SIL1: variants seen among roughly 807,000 people sequenced by gnomAD.
The protein encoded by SIL1 is nucleotide exchange factor SIL1.
Under a neutral mutation model 49.1 loss-of-function variants are expected in SIL1, and 40 were observed. The observed-to-expected ratio is 0.81, with a 90% CI of 0.63 to 1.06. The LOEUF (loss-of-function observed/expected upper bound fraction) is 1.06. Among genes scored for constraint, SIL1 ranks in the 50% least tolerant of loss-of-function variants. The pLI, the probability that SIL1 is intolerant of heterozygous loss-of-function variation, is 0.00. For missense variants in SIL1, 500 were observed against 572.6 expected, an observed-to-expected ratio of 0.87 and a Z score of 1.29; for synonymous variants, 253 against 250.8, an observed-to-expected ratio of 1.01 and a Z score of -0.08.
chr5:139,026,203 C>T (rs1768646594), intron 6 of SIL1, among the ~76,000 whole-genome samples: 1 of 152,066 alleles, frequency 6.6e-6, no homozygotes, highest in Non-Finnish European at 1.5e-5. Context: ...GTTCATTATT[C>T]AATTACTTCC....
At chr5:139,032,941 A>G (rs1324617537) in intron 5 of SIL1, 1 of 151,976 alleles carries the variant, frequency 6.6e-6, no homozygotes, top group African/African-American at 2.4e-5. Flanking sequence ...GGTAATTTTT[A>G]TCTTAGTGCT....
chr5:139,018,919 T>A (rs1768459646), intron 7 of SIL1, among the ~76,000 whole-genome samples: 1 of 152,202 alleles, frequency 6.6e-6, no homozygotes, highest in African/African-American at 2.4e-5. Context: ...AGGTTGTCCA[T>A]GGGCACACAG....
At chr5:139,116,949 G>A (rs1727416576) in intron 3 of SIL1, among the ~76,000 whole-genome samples, 1 of 152,204 alleles carries the variant, frequency 6.6e-6, no homozygotes, top group Non-Finnish European at 1.5e-5. Context: ...CTAAGGTTCT[G>A]AGATTCTAAG....
intron 1 of SIL1, among the ~76,000 whole-genome samples, chr5:139,134,376 TC>T (rs1482896390): frequency 6.6e-6 from 1 of 152,156 alleles, no homozygotes; most frequent in East Asian, 1.9e-4. Context: ...GCTCAACTGA[TC>T]CACCCATGTC....
chr5:139,084,691 A>G (rs1490270391), intron 3 of SIL1, among the ~76,000 whole-genome samples: 1 of 140,814 alleles, frequency 7.1e-6, no homozygotes, highest in East Asian at 2.1e-4. Context: ...GCTAGATGAC[A>G]CATTAGTGGG....
intron 1 of SIL1, among the ~76,000 whole-genome samples, chr5:139,133,042 C>A (rs73790614): frequency 0.021 from 2,977 of 140,866 alleles, 102 homozygotes; most frequent in African/African-American, 0.076. Flanking sequence ...TTCACCTGAT[C>A]AATGGCCCCT....
At chr5:139,025,879 TA>T (rs747547959) in intron 6 of SIL1, among the ~76,000 whole-genome samples, 9 of 152,222 alleles carry the variant, frequency 5.9e-5, no homozygotes, top group Non-Finnish European at 1.2e-4. Context: ...CATTGTGGCA[TA>T]AAAACAGCAA....
At chr5:139,036,136 G>A (rs1020728494) in intron 5 of SIL1, 10 of 152,120 alleles carry the variant, frequency 6.6e-5, no homozygotes, top group Admixed American at 4.6e-4. Flanking sequence ...TTCTTTTGCT[G>A]TGCAAAAGCT....
intron 7 of SIL1, among the ~76,000 whole-genome samples, chr5:138,989,959 G>A (rs1767722681): frequency 6.6e-6 from 1 of 152,162 alleles, no homozygotes; most frequent in African/African-American, 2.4e-5. Context: ...AGTGGGAACA[G>A]AGGCTCCTCC....
chr5:139,095,113 GTACT>G (rs1271561648), intron 3 of SIL1, among the ~76,000 whole-genome samples: 1 of 152,142 alleles, frequency 6.6e-6, no homozygotes, highest in African/African-American at 2.4e-5. Context: ...ATCACAGGTA[GTACT>G]TACCAGATTT....
At position 138,956,726 on chromosome 5, in the gene SIL1, G is replaced by A. The variant is rs190708751; in HGVS notation, c.768-4842C>T. On this transcript the variant is annotated intron_variant, in intron 7 of 9. Coordinates refer to ENST00000394817, the MANE Select transcript of SIL1 (RefSeq NM_022464.5). ...CCACTGCACTCCAGCCTGGGCAACAGAGCAAGACTCTATCTTAAAAAAAAA... is the reference window on the plus strand; with the variant it reads ...CCACTGCACTCCAGCCTGGGCAACAAAGCAAGACTCTATCTTAAAAAAAAA... 2.1e-5 allele frequency among the ~76,000 whole-genome samples: 3 copies of A among 143,504 alleles called. No homozygotes were observed. The East Asian group carries it at 6.0e-4, about 29-fold the overall frequency. The allele number at this position is 143,504 out of a possible 152,430, so 94.1% of individuals were successfully genotyped here.
At chr5:138,949,798 C>CAAAA (rs5871689) in intron 9 of SIL1, among the ~76,000 whole-genome samples, 1 of 83,336 alleles carries the variant, frequency 1.2e-5, no homozygotes. Flanking sequence ...GACCCTGTCT[C>CAAAA]AAAAAAAAAA....
intron 3 of SIL1, among the ~76,000 whole-genome samples, chr5:139,074,513 T>G (rs147555391): frequency 0.012 from 1,802 of 152,326 alleles, 35 homozygotes; most frequent in African/African-American, 0.041. Flanking sequence ...TACAAGGAAA[T>G]GGTCCAGAAG....
intron 7 of SIL1, 147 bp from the exon 8 acceptor site, chr5:138,952,031 A>G (rs1250413669): frequency 9.2e-6 from 7 of 763,586 alleles, no homozygotes; most frequent in African/African-American, 3.4e-5. Flanking sequence ...AGCTGGGGAA[A>G]CAAAGACCAT....
At chr5:139,096,263 A>G (rs1259131713) in intron 3 of SIL1, among the ~76,000 whole-genome samples, 1 of 152,176 alleles carries the variant, frequency 6.6e-6, no homozygotes, top group East Asian at 1.9e-4. Context: ...CCAACAGGGA[A>G]TCACCGATCC....
At chr5:139,027,740 T>C (rs1264204397) in intron 5 of SIL1, among the ~76,000 whole-genome samples, 1 of 152,226 alleles carries the variant, frequency 6.6e-6, no homozygotes, top group Non-Finnish European at 1.5e-5. Flanking sequence ...TTTGAGAAGA[T>C]AGTGCCTATA....
At chr5:138,958,298 C>A (rs1383735484) in intron 7 of SIL1, among the ~76,000 whole-genome samples, 1 of 152,180 alleles carries the variant, frequency 6.6e-6, no homozygotes, top group African/African-American at 2.4e-5. Flanking sequence ...CAGGAATACA[C>A]AAACACAATG....
intron 3 of SIL1, among the ~76,000 whole-genome samples, chr5:139,100,483 T>C (rs1437602513): frequency 2.6e-5 from 4 of 152,204 alleles, no homozygotes; most frequent in African/African-American, 9.7e-5. Flanking sequence ...CCTTACTTTA[T>C]GTGAGAAGGA....
chr5:139,156,121 T>G (rs1751403497), intron 1 of SIL1, among the ~76,000 whole-genome samples: 2 of 152,174 alleles, frequency 1.3e-5, no homozygotes, highest in African/African-American at 4.8e-5. Flanking sequence ...TAAATAATAG[T>G]AATATAAAAT....
Sources: allele counts gnomAD v4.1 joint callset (sites outside exome capture counted in the v4.1 genomes callset), GRCh38; gene constraint gnomAD v4.1.1; transcripts MANE v1.5; gene names NCBI Gene and HGNC (gene_info 2026-07-23, HGNC 2026-07-21).